Variants in BACE2 observed in about 807,000 individuals in gnomAD.
BACE2 encodes the protein 56 kDa aspartic-like protease.
A neutral mutation model predicts 46.2 loss-of-function variants in BACE2; 17 were observed. That is an observed-to-expected ratio of 0.37 (90% confidence interval 0.25 to 0.55). BACE2 has a LOEUF of 0.55. BACE2 is among the 20% of genes least tolerant of loss of function. BACE2 has a pLI of 0.82. For synonymous variants in BACE2, 277 were observed against 295.9 expected, an observed-to-expected ratio of 0.94 and a Z score of 0.66; for missense variants, 595 against 698.1, an observed-to-expected ratio of 0.85 and a Z score of 1.66.
intron 1 of BACE2, among the ~76,000 whole-genome samples, chr21:41,207,726 G>A (rs1024069674): frequency 2.0e-5 from 3 of 152,198 alleles, no homozygotes; most frequent in Non-Finnish European, 4.4e-5. Context: ...AGGAACACAG[G>A]CTCTCTGGCC....
At chr21:41,239,214 T>C (rs1987221660) in intron 3 of BACE2, among the ~76,000 whole-genome samples, 1 of 151,996 alleles carries the variant, frequency 6.6e-6, no homozygotes, top group Non-Finnish European at 1.5e-5. Flanking sequence ...CAAGAGGAAG[T>C]TTACAGCCCT....
intron 3 of BACE2, among the ~76,000 whole-genome samples, chr21:41,240,273 C>A (rs187474952): frequency 6.6e-6 from 1 of 152,304 alleles, no homozygotes; most frequent in African/African-American, 2.4e-5. Flanking sequence ...GTGTCAGGAA[C>A]ACCTACTGGG....
At chr21:41,210,134 C>T (rs1320616524) in intron 1 of BACE2, among the ~76,000 whole-genome samples, 1 of 152,120 alleles carries the variant, frequency 6.6e-6, no homozygotes, top group East Asian at 1.9e-4. Context: ...GGGCCTCCTA[C>T]ACCCTAAATA....
At chr21:41,176,122 C>CT (rs1467071849) in intron 1 of BACE2, 2 of 152,224 alleles carry the variant, frequency 1.3e-5, no homozygotes, top group Non-Finnish European at 2.9e-5. Context: ...TCTAGAAGCT[C>CT]TAACAGTCAA....
At chr21:41,243,879 G>A (rs73366474) in intron 5 of BACE2, among the ~76,000 whole-genome samples, 351 of 151,228 alleles carry the variant, frequency 2.3e-3, no homozygotes, top group African/African-American at 7.7e-3. Context: ...AGAGAAGGAC[G>A]AAAATTAAGC....
chr21:41,222,281 G>T (rs1373940247), intron 1 of BACE2, among the ~76,000 whole-genome samples: 3 of 152,226 alleles, frequency 2.0e-5, no homozygotes, highest in Non-Finnish European at 4.4e-5. Flanking sequence ...TGAAAGGTGT[G>T]GTGTTATGGG....
At chr21:41,169,723 T>A (rs1471740248) in intron 1 of BACE2, among the ~76,000 whole-genome samples, 1 of 152,178 alleles carries the variant, frequency 6.6e-6, no homozygotes, top group Non-Finnish European at 1.5e-5. Flanking sequence ...AACTGCCGAA[T>A]AACTTCTGTA....
chr21:41,275,265 T>C, intron 8 of BACE2, 106 bp from the exon 9 acceptor site: 1 of 1,506,564 alleles, frequency 6.6e-7, no homozygotes. Flanking sequence ...GGGACCTCAG[T>C]GGACTTTAAC....
chr21:41,208,040 G>A (rs962793960), intron 1 of BACE2, among the ~76,000 whole-genome samples: 1 of 152,144 alleles, frequency 6.6e-6, no homozygotes, highest in Non-Finnish European at 1.5e-5. Context: ...ATACCGCTAG[G>A]GCCTTAGGAA....
chr21:41,250,383 C>T lies in BACE2; in HGVS notation c.985-369C>T, dbSNP rs1054713333. Among the ~76,000 whole-genome samples, 5 of 152,166 alleles carry T rather than the reference C, an allele frequency of 3.3e-5. No homozygotes were observed. The South Asian group carries it at 1.0e-3, about 32-fold the overall frequency. ...ATTAGGATTTCTGTCTTCTAAAGGG[C>T]CTCTGCCCTCTGCTGTGTGACCTTG... On this transcript the variant is annotated intron_variant, in intron 6 of 8. Coordinates refer to ENST00000330333, the MANE Select transcript of BACE2 (RefSeq NM_012105.5).
chr21:41,264,130 A>G (rs1988008062), intron 8 of BACE2, among the ~76,000 whole-genome samples: 1 of 152,062 alleles, frequency 6.6e-6, no homozygotes, highest in Non-Finnish European at 1.5e-5. Context: ...ACTATTTAAC[A>G]TATTCATTGA....
chr21:41,219,112 C>G (rs193155246), intron 1 of BACE2, among the ~76,000 whole-genome samples: 1 of 152,196 alleles, frequency 6.6e-6, no homozygotes. Context: ...CTGCCTGCCT[C>G]GGCCTCCCAA....
At chr21:41,207,477 G>A (rs901965298) in intron 1 of BACE2, among the ~76,000 whole-genome samples, 20 of 152,136 alleles carry the variant, frequency 1.3e-4, no homozygotes, top group South Asian at 2.1e-4. Context: ...GTCTTCATTC[G>A]TTAGTCAGTA....
intron 1 of BACE2, among the ~76,000 whole-genome samples, chr21:41,222,615 G>A (rs1023977708): frequency 3.3e-5 from 5 of 152,234 alleles, no homozygotes; most frequent in Admixed American, 6.5e-5. Context: ...TCTGGGTGAC[G>A]TGAGAGCCAT....
In BACE2 at chr21:41,282,034, A is replaced by G. The variant is rs2088553885; in HGVS notation, c.*6410A>G. On this transcript the variant is annotated 3_prime_UTR_variant, in exon 9 of 9. Coordinates refer to ENST00000330333, the MANE Select transcript of BACE2 (RefSeq NM_012105.5). ...AAAGTTTAATATGTTATGTTCAGTC[A>G]TTGAAAGCGACCACTCATTTTTTTC... 1 of 152,224 alleles carries G rather than the reference A, an allele frequency of 6.6e-6. No individual in the cohort carries two copies. Among genetic ancestry groups the G allele is most frequent in the Non-Finnish European group, 1.5e-5 (1 of 68,028 alleles). 9.4% of individuals were successfully genotyped at this position (152,224 alleles called of 1,614,324 possible).
chr21:41,226,117 T>C (rs1986809554), intron 1 of BACE2, 149 bp from the exon 2 acceptor site: 1 of 630,720 alleles, frequency 1.6e-6, no homozygotes, highest in African/African-American at 1.9e-5. Context: ...TATAATAGCT[T>C]TTTCTATTCT....
intron 1 of BACE2, among the ~76,000 whole-genome samples, chr21:41,191,108 C>T (rs750695995): frequency 8.5e-5 from 13 of 152,234 alleles, no homozygotes; most frequent in South Asian, 4.2e-4. Flanking sequence ...TTCCTGGACC[C>T]GTGAATCCTG....
intron 1 of BACE2, among the ~76,000 whole-genome samples, chr21:41,215,755 G>A (rs1986446581): frequency 6.6e-6 from 1 of 152,226 alleles, no homozygotes; most frequent in East Asian, 1.9e-4. Context: ...GTAAAGTGGG[G>A]ATCTGTCTAT....
At chr21:41,169,442 G>A (rs1984518715) in intron 1 of BACE2, among the ~76,000 whole-genome samples, 3 of 137,090 alleles carry the variant, frequency 2.2e-5, no homozygotes, top group African/African-American at 8.1e-5. Flanking sequence ...CCCAAGCACA[G>A]TGATCTGAAA....
Sources: allele counts gnomAD v4.1 joint callset (sites outside exome capture counted in the v4.1 genomes callset), GRCh38; gene constraint gnomAD v4.1.1; transcripts MANE v1.5; gene names NCBI Gene and HGNC (gene_info 2026-07-23, HGNC 2026-07-21).